The following RNASET2 variants were observed in gnomAD, a reference collection of about 807,000 sequenced individuals.
The protein encoded by RNASET2 is ribonuclease T2, also known as ribonuclease 6.
In RNASET2, 28 loss-of-function variants were observed where a neutral mutation model predicts 33.9. The ratio of observed to expected loss-of-function variants is 0.83; its 90% CI spans 0.61 to 1.13. The LOEUF (loss-of-function observed/expected upper bound fraction) is 1.13, where lower values mean the gene tolerates loss of function less well. Ranked by LOEUF, RNASET2 falls within the 50% of genes most tolerant of loss-of-function variation. The pLI is 0.00. For missense variants in RNASET2, 330 were observed against 319.9 expected (o/e 1.03, Z -0.24); for synonymous variants, 123 against 121.0 (o/e 1.02, Z -0.11).
In RNASET2 at chr6:166,925,834, A is replaced by G. The variant is rs1778296885; in HGVS notation, c.*3754T>C. On this transcript the variant is annotated 3_prime_UTR_variant, in exon 9 of 9. Transcript: ENST00000508775. ...TCCAGGCCACCCAAACTGCGCGGAGAATCCAGGCACAAGGAAGTGCTAAGC... is the reference window on the plus strand; with the variant it reads ...TCCAGGCCACCCAAACTGCGCGGAGGATCCAGGCACAAGGAAGTGCTAAGC... 1.3e-5 allele frequency among the ~76,000 whole-genome samples: 2 copies of G among 152,184 alleles called. No individual in the cohort carries two copies. Among genetic ancestry groups the G allele is most frequent in the Admixed American group, 1.3e-4 (2 of 15,282 alleles).
Position 166,956,282 on chromosome 6 carries a change from C to A in RNASET2, c.-100G>T, listed in dbSNP as rs895436606. On this transcript the variant is annotated 5_prime_UTR_variant, in exon 1 of 9. Coordinates refer to ENST00000508775, the MANE Select transcript of RNASET2 (RefSeq NM_003730.6). ...TTCCGGGAGAAACGCTGTCTCCGAG[C>A]CCCCGCGCCGCCGCGCTCCCTCCGC... is the stretch of plus-strand genomic sequence containing the variant. 3.4e-6 allele frequency: 4 copies of A among 1,177,018 alleles called. No homozygotes were observed. Among genetic ancestry groups the A allele is most frequent in the African/African-American group, 1.5e-5 (1 of 65,930 alleles). 72.9% of individuals were successfully genotyped at this position (1,177,018 alleles called of 1,614,324 possible).
chr6:166,943,377 A>T, intron 4 of RNASET2: 1 of 369,848 alleles, frequency 2.7e-6, no homozygotes, highest in Non-Finnish European at 5.2e-6. Context: ...AAAACCAATG[A>T]GCCGTCGAGT....
intron 4 of RNASET2, among the ~76,000 whole-genome samples, chr6:166,945,740 G>C (rs1377851689): frequency 2.7e-5 from 4 of 150,776 alleles, no homozygotes; most frequent in African/African-American, 9.8e-5. Context: ...TGAGGCAGGA[G>C]AATTGCTTGA....
rs939614480 is a variant in RNASET2, at chr6:166,927,446, C to T, written c.*2142G>A. 2.0e-5 allele frequency among the ~76,000 whole-genome samples: 3 copies of T among 152,074 alleles called. No individual in the cohort carries two copies. The highest frequency in any genetic ancestry group is 7.2e-5 in the African/African-American group (3 of 41,390). On this transcript the variant is annotated 3_prime_UTR_variant, in exon 9 of 9. Transcript: ENST00000508775. Reference sequence around the variant, plus strand: ...GCACTCCGCAGCCCATGCCTCCCACCAGGATGCTACCTTGTTGGCGTCCCC... The same window carrying T: ...GCACTCCGCAGCCCATGCCTCCCACTAGGATGCTACCTTGTTGGCGTCCCC...
At position 166,941,580 on chromosome 6, in the gene RNASET2, A is replaced by G. The variant is rs534329152; in HGVS notation, c.332+1439T>C. ...GAACCATTCACCACCCGAATTTTCA[A>G]GGGTGATTCAACGCACAGACTGAGG... On this transcript the variant is annotated intron_variant, in intron 5 of 8. Coordinates refer to ENST00000508775, the MANE Select transcript of RNASET2 (RefSeq NM_003730.6). Among the ~76,000 whole-genome samples the G allele has an allele frequency of 2.0e-5, 3 of 152,360 alleles. No homozygotes were observed. The South Asian group carries it at 6.2e-4, about 32-fold the overall frequency.
In RNASET2 at chr6:166,926,569, C is replaced by T. The variant is rs1778309555; in HGVS notation, c.*3019G>A. ...AAAAAGAAAAGAAAAGAAAAGATAT[C>T]TAGTTCTGAATATGATACAATTGCT... On this transcript the variant is annotated 3_prime_UTR_variant, in exon 9 of 9. Transcript: ENST00000508775. Among the ~76,000 whole-genome samples, 1 of 151,252 alleles carries T rather than the reference C, an allele frequency of 6.6e-6. No individual in the cohort carries two copies. Among genetic ancestry groups the T allele is most frequent in the East Asian group, 1.9e-4 (1 of 5,158 alleles).
At position 166,925,878 on chromosome 6, in the gene RNASET2, G is replaced by A. The variant is rs764883898; in HGVS notation, c.*3710C>T. ...GCTAAGCAGAGCCCTCATGGGCTGT[G>A]GGGAGTGGGTGGAGGCACTGCCAAC... is the stretch of plus-strand genomic sequence containing the variant. On this transcript the variant is annotated 3_prime_UTR_variant, in exon 9 of 9. Coordinates refer to ENST00000508775, the MANE Select transcript of RNASET2 (RefSeq NM_003730.6). Among the ~76,000 whole-genome samples the A allele has an allele frequency of 1.3e-5, 2 of 152,220 alleles. No homozygotes were observed. The highest frequency in any genetic ancestry group is 2.9e-5 in the Non-Finnish European group (2 of 68,038).
At chr6:166,934,791 G>A (rs931661836) in intron 6 of RNASET2, 1 of 152,680 alleles carries the variant, frequency 6.5e-6, no homozygotes, top group Non-Finnish European at 1.5e-5. Flanking sequence ...ACTCCAAGAT[G>A]TTCACATGAC....
intron 2 of RNASET2, among the ~76,000 whole-genome samples, chr6:166,952,247 C>T (rs764803432): frequency 6.6e-6 from 1 of 152,332 alleles, no homozygotes; most frequent in Non-Finnish European, 1.5e-5. Flanking sequence ...CTTCCAGGAC[C>T]GTGAGAATAA....
chr6:166,934,215 CA>C lies in RNASET2; in HGVS notation c.447-80del. The C allele has an allele frequency of 3.1e-6, 3 of 955,430 alleles. No individual in the cohort carries two copies. The Admixed American group carries it at 5.2e-5, about 17-fold the overall frequency. The allele number at this position is 955,430 out of a possible 1,614,324, so 59.2% of individuals were successfully genotyped here. A position where few individuals can be genotyped will look rare whatever the true frequency, so the allele number is the denominator to read the frequency against. On this transcript the variant is annotated intron_variant, in intron 6 of 8. Transcript: ENST00000508775. ...CTTGTTCTTTTCAGGTATCATATTTCATGGTAAAAATTAAGACACTCTTAAA... is the reference window on the plus strand; with the variant it reads ...CTTGTTCTTTTCAGGTATCATATTTCTGGTAAAAATTAAGACACTCTTAAA...
intron 7 of RNASET2, chr6:166,931,437 G>A: frequency 2.3e-6 from 1 of 431,014 alleles, no homozygotes; most frequent in Non-Finnish European, 4.3e-6. Context: ...AACGCCACCT[G>A]CCACAGCCAC....
intron 8 of RNASET2, among the ~76,000 whole-genome samples, chr6:166,930,579 G>GCACA (rs199824887): frequency 6.9e-6 from 1 of 145,454 alleles, no homozygotes; most frequent in Non-Finnish European, 1.5e-5. Flanking sequence ...GCACACACAT[G>GCACA]CACACACACA....
intron 1 of RNASET2, 168 bp from the exon 2 acceptor site, chr6:166,952,716 C>A: frequency 1.6e-6 from 1 of 643,924 alleles, no homozygotes. Flanking sequence ...GGCGGTACAC[C>A]CCTACACTAA....
chr6:166,948,380 A>G, intron 3 of RNASET2, 190 bp downstream of exon 3: 1 of 681,514 alleles, frequency 1.5e-6, no homozygotes, highest in Non-Finnish European at 2.7e-6. Context: ...TGTTCTATGA[A>G]GACAGAATTA....
intron 1 of RNASET2, chr6:166,955,341 GCACACGCA>G (rs1779122065): frequency 9.5e-6 from 1 of 104,960 alleles, no homozygotes; most frequent in African/African-American, 8.3e-5. Context: ...GCACGCACAC[GCACACGCA>G]CGCACACACA....
chr6:166,946,828 A>T (rs1464249906), intron 3 of RNASET2, 89 bp from the exon 4 acceptor site: 2 of 766,178 alleles, frequency 2.6e-6, no homozygotes, highest in South Asian at 2.9e-5. Context: ...CTTTCATTGA[A>T]GTCTGCAAAG....
chr6:166,931,177 C>T, intron 7 of RNASET2, 59 bp from the exon 8 acceptor site: 1 of 1,208,430 alleles, frequency 8.3e-7, no homozygotes, highest in Non-Finnish European at 1.2e-6. Flanking sequence ...TCTGACAGTT[C>T]TGGACTATCC....
intron 1 of RNASET2, chr6:166,955,496 AC>A (rs1284451615): frequency 1.0e-6 from 1 of 985,866 alleles, no homozygotes; most frequent in African/African-American, 1.8e-5. Flanking sequence ...TCGTTTCACC[AC>A]CCGCCGCAGT....
In RNASET2 at chr6:166,925,152, TCCAGCCCTCACTCCTGCCGC is replaced by T. The variant is rs200070457; in HGVS notation, c.*4416_*4435del. 0.18 allele frequency among the ~76,000 whole-genome samples: 25,916 copies of T among 142,652 alleles called. 4,059 individuals carry two copies. Among genetic ancestry groups the T allele is most frequent in the African/African-American group, 0.44 (16,922 of 38,332 alleles). The allele number at this position is 142,652 out of a possible 152,430, so 93.6% of individuals were successfully genotyped here. On this transcript the variant is annotated 3_prime_UTR_variant, in exon 9 of 9. Coordinates refer to ENST00000508775, the MANE Select transcript of RNASET2 (RefSeq NM_003730.6). ...TGCTGCCCAGGCCTCATCTACGCCA[TCCAGCCCTCACTCCTGCCGC>T]CCAGCCCTCACTCCTGCCGCCCAGC... is the stretch of plus-strand genomic sequence containing the variant.
Sources: gnomAD v4.1 joint callset for allele counts (sites outside exome capture counted in the v4.1 genomes callset) on GRCh38, gnomAD v4.1.1 for gene constraint, MANE v1.5 for transcripts, NCBI Gene and HGNC (gene_info 2026-07-23, HGNC 2026-07-21) for gene names.